PALS1: variants seen among roughly 807,000 people sequenced by gnomAD.
PALS1 encodes the protein protein associated with LIN7 1, MAGUK p55 family member, also known as protein PALS1.
PALS1 carries 31 observed loss-of-function variants against 78.9 expected under a neutral mutation model. That is an observed-to-expected ratio of 0.39 (90% CI 0.30 to 0.53). The LOEUF (loss-of-function observed/expected upper bound fraction) is 0.53, where lower values mean the gene tolerates loss of function less well. Ranked by LOEUF, PALS1 falls within the 20% of genes least tolerant of loss-of-function variation. PALS1 has a pLI of 0.67. For missense variants in PALS1, 704 were observed against 826.5 expected, an observed-to-expected ratio of 0.85 and a Z score of 1.82; for synonymous variants, 276 against 270.9, an observed-to-expected ratio of 1.02 and a Z score of -0.18.
intron 3 of PALS1, among the ~76,000 whole-genome samples, chr14:67,283,913 G>A (rs1016580935): frequency 6.6e-6 from 1 of 152,118 alleles, no homozygotes; most frequent in Non-Finnish European, 1.5e-5. Context: ...GTTGTCTTAC[G>A]GCACATTCAG....
chr14:67,328,002 A>G (rs993783084), intron 14 of PALS1, among the ~76,000 whole-genome samples: 2 of 152,206 alleles, frequency 1.3e-5, no homozygotes, highest in Non-Finnish European at 2.9e-5. Context: ...ATACCCAGTA[A>G]TGGGATGGCT....
intron 2 of PALS1, among the ~76,000 whole-genome samples, chr14:67,273,817 A>G (rs2084454867): frequency 6.6e-6 from 1 of 152,142 alleles, no homozygotes; most frequent in African/African-American, 2.4e-5. Context: ...CGCCATTCTA[A>G]CTGGTGTGAG....
At chr14:67,270,265 C>T (rs977433499) in intron 2 of PALS1, 1 of 152,140 alleles carries the variant, frequency 6.6e-6, no homozygotes, top group Non-Finnish European at 1.5e-5. Context: ...TTCTCCCTTA[C>T]TAGTTTGAGG....
rs2085480299 is a variant in PALS1, at chr14:67,333,441, T to TAG, written c.*485_*486insAG. 4 of 152,670 alleles carry TAG rather than the reference T, an allele frequency of 2.6e-5. No homozygotes were observed. Among genetic ancestry groups the TAG allele is most frequent in the Admixed American group, 2.6e-4 (4 of 15,290 alleles). 9.5% of individuals were successfully genotyped at this position (152,670 alleles called of 1,614,324 possible). A position where few individuals can be genotyped will look rare whatever the true frequency, so the allele number is the denominator to read the frequency against. ...GGCAGTATTTGCTTAGGAAACTAAT[T>TAG]TAGTCATCAGAGATACTTTCCTAAA... is the stretch of plus-strand genomic sequence containing the variant. On this transcript the variant is annotated 3_prime_UTR_variant, in exon 15 of 15. Coordinates refer to ENST00000261681, the MANE Select transcript of PALS1 (RefSeq NM_022474.4).
chr14:67,279,059 G>T lies in PALS1; in HGVS notation c.-112G>T. 1 of 1,047,222 alleles carries T rather than the reference G, an allele frequency of 9.5e-7. No individual in the cohort carries two copies. Among genetic ancestry groups the T allele is most frequent in the South Asian group, 2.1e-5 (1 of 46,954 alleles). The allele number at this position is 1,047,222 out of a possible 1,614,324, so 64.9% of individuals were successfully genotyped here. On this transcript the variant is annotated 5_prime_UTR_variant, in exon 3 of 15. An upstream start codon of the reference 5' UTR is lost. Coordinates refer to ENST00000261681, the MANE Select transcript of PALS1 (RefSeq NM_022474.4). ...CTTTTTCATAGCATTATTATGTGAT[G>T]TGAGAAGTTTTTTTTTTTGAAGTAA... is the stretch of plus-strand genomic sequence containing the variant.
intron 8 of PALS1, 103 bp downstream of exon 8, chr14:67,303,702 A>AG: frequency 6.5e-6 from 5 of 774,864 alleles, no homozygotes; most frequent in Admixed American, 4.6e-5. Flanking sequence ...GTACTCAAAT[A>AG]AATTCAATCA....
At chr14:67,258,425 A>G (rs1475193862) in intron 1 of PALS1, among the ~76,000 whole-genome samples, 1 of 152,144 alleles carries the variant, frequency 6.6e-6, no homozygotes, top group Non-Finnish European at 1.5e-5. Context: ...AGTCCCAGCT[A>G]CTTGGGGGAT....
Position 67,333,942 on chromosome 14 carries a change from T to C in PALS1, c.*986T>C, listed in dbSNP as rs2085489241. The stretch of plus-strand genomic sequence containing the variant: ...GACTGTGCTACGTATATATAGGTAA[T>C]AAACTGGAATTCTGTTGATGAATAT... On this transcript the variant is annotated 3_prime_UTR_variant, in exon 15 of 15. Transcript: ENST00000261681. 6.6e-6 allele frequency: 1 copy of C among 152,628 alleles called. No homozygotes were observed. Among genetic ancestry groups the C allele is most frequent in the South Asian group, 2.1e-4 (1 of 4,820 alleles). The allele number at this position is 152,628 out of a possible 1,614,324, so 9.5% of individuals were successfully genotyped here.
intron 1 of PALS1, among the ~76,000 whole-genome samples, chr14:67,255,972 T>G (rs1368639021): frequency 6.6e-6 from 1 of 152,230 alleles, no homozygotes; most frequent in Non-Finnish European, 1.5e-5. Context: ...CAGACAGTTG[T>G]GAGCCTCTGT....
At chr14:67,305,596 A>C (rs983997351) in intron 8 of PALS1, among the ~76,000 whole-genome samples, 3 of 152,190 alleles carry the variant, frequency 2.0e-5, no homozygotes, top group African/African-American at 4.8e-5. Flanking sequence ...ATGTTTTCTC[A>C]ACATTTTTTT....
intron 1 of PALS1, among the ~76,000 whole-genome samples, chr14:67,247,448 G>T (rs894060618): frequency 6.6e-6 from 1 of 152,092 alleles, no homozygotes; most frequent in Non-Finnish European, 1.5e-5. Context: ...TAAGTAGACA[G>T]TCGTGCTCAA....
intron 1 of PALS1, among the ~76,000 whole-genome samples, chr14:67,246,737 C>T (rs373966974): frequency 6.6e-6 from 1 of 151,272 alleles, no homozygotes; most frequent in East Asian, 1.9e-4. Flanking sequence ...TGCAACTTCC[C>T]GCCTCCTGGG....
chr14:67,273,282 C>T (rs1555519250), intron 2 of PALS1, among the ~76,000 whole-genome samples: 1 of 151,794 alleles, frequency 6.6e-6, no homozygotes, highest in Non-Finnish European at 1.5e-5. Context: ...CCTCCCCAAC[C>T]CCACGACAGG....
intron 9 of PALS1, among the ~76,000 whole-genome samples, chr14:67,314,475 G>C (rs971739050): frequency 6.6e-6 from 1 of 152,140 alleles, no homozygotes; most frequent in Admixed American, 6.5e-5. Context: ...AGGAGGAATG[G>C]ACTTCTTACA....
intron 9 of PALS1, among the ~76,000 whole-genome samples, chr14:67,315,433 C>T (rs915475164): frequency 4.6e-5 from 7 of 151,894 alleles, no homozygotes; most frequent in African/African-American, 7.2e-5. Context: ...CCCACCACCA[C>T]GCCCAGCTGA....
chr14:67,279,096 T>G lies in PALS1; in HGVS notation c.-75T>G. 1 of 1,358,096 alleles carries G rather than the reference T, an allele frequency of 7.4e-7. No individual in the cohort carries two copies. Among genetic ancestry groups the G allele is most frequent in the Non-Finnish European group, 9.7e-7 (1 of 1,027,682 alleles). The allele number at this position is 1,358,096 out of a possible 1,614,324, so 84.1% of individuals were successfully genotyped here. On this transcript the variant is annotated 5_prime_UTR_variant, in exon 3 of 15. Transcript: ENST00000261681. The stretch of plus-strand genomic sequence containing the variant: ...TTTTTTTGAAGTAACATGGATTTTA[T>G]ACTACAGAATCAAGAGAATTGGCTT...
intron 10 of PALS1, 138 bp from the exon 11 acceptor site, chr14:67,317,270 G>A (rs1362131461): frequency 4.1e-5 from 28 of 676,628 alleles, no homozygotes; most frequent in Admixed American, 1.6e-4. Context: ...CAAGACAAGC[G>A]TGGCCAACAT....
intron 8 of PALS1, among the ~76,000 whole-genome samples, chr14:67,306,562 T>C (rs61990941): frequency 0.17 from 25,194 of 151,490 alleles, 2,580 homozygotes; most frequent in Non-Finnish European, 0.23. Flanking sequence ...AGAGACAGAG[T>C]TTCACCATGT....
intron 10 of PALS1, 53 bp from the exon 11 acceptor site, chr14:67,317,355 G>A (rs954807238): frequency 2.8e-6 from 4 of 1,414,448 alleles, no homozygotes; most frequent in African/African-American, 1.4e-5. Flanking sequence ...TTTGAGTTAT[G>A]TGGTTTTGTT....
Sources: gnomAD v4.1 joint callset for allele counts (sites outside exome capture counted in the v4.1 genomes callset) on GRCh38, gnomAD v4.1.1 for gene constraint, MANE v1.5 for transcripts, NCBI Gene and HGNC (gene_info 2026-07-23, HGNC 2026-07-21) for gene names.